PCBP3: variants seen among roughly 807,000 people sequenced by gnomAD.
PCBP3 encodes poly(rC) binding protein 3.
PCBP3 carries 25 observed loss-of-function variants against 52.7 expected under a neutral mutation model. The observed-to-expected ratio is 0.47, with a 90% confidence interval of 0.35 to 0.66. PCBP3 has a LOEUF of 0.66. Ranked by LOEUF, PCBP3 falls within the 30% of genes least tolerant of loss-of-function variation. The pLI is 0.01. For missense variants in PCBP3, 391 were observed against 490.3 expected, an observed-to-expected ratio of 0.80 and a Z score of 1.91; for synonymous variants, 162 against 183.0, an observed-to-expected ratio of 0.89 and a Z score of 0.93.
At chr21:45,790,350 C>T (rs1048450163) in intron 4 of PCBP3, among the ~76,000 whole-genome samples, 4 of 151,976 alleles carry the variant, frequency 2.6e-5, no homozygotes, top group Non-Finnish European at 5.9e-5. Context: ...GCTCTAGGCC[C>T]GATTAGCAGG....
At chr21:45,879,635 A>G (rs1468940473) in intron 5 of PCBP3, among the ~76,000 whole-genome samples, 1 of 152,206 alleles carries the variant, frequency 6.6e-6, no homozygotes, top group Non-Finnish European at 1.5e-5. Flanking sequence ...CCACAGTAGA[A>G]TTAAACTATA....
Position 45,825,992 on chromosome 21 carries a change from C to T in PCBP3, c.-125-23969C>T, listed in dbSNP as rs12106363. Among the ~76,000 whole-genome samples, 1,160 of 152,222 alleles carry T rather than the reference C, an allele frequency of 7.6e-3. 13 individuals carry two copies. The highest frequency in any genetic ancestry group is 0.026 in the African/African-American group (1,100 of 41,538). ...AGAGGAAAGAAAAAAGCAGTGAGGGCGGGGTGCAGTGGCTCACGCCTGTAA... is the reference window on the plus strand; with the variant it reads ...AGAGGAAAGAAAAAAGCAGTGAGGGTGGGGTGCAGTGGCTCACGCCTGTAA... On this transcript the variant is annotated intron_variant, in intron 4 of 17. Transcript: ENST00000681687.
chr21:45,682,715 T>C (rs950070269), intron 2 of PCBP3, among the ~76,000 whole-genome samples: 2 of 151,896 alleles, frequency 1.3e-5, no homozygotes, highest in South Asian at 2.1e-4. Flanking sequence ...TCAGTTGATA[T>C]AGAGAAAGAT....
intron 9 of PCBP3, among the ~76,000 whole-genome samples, chr21:45,905,381 A>G (rs1304823450): frequency 2.0e-5 from 3 of 152,234 alleles, no homozygotes; most frequent in African/African-American, 7.2e-5. Flanking sequence ...TTTCCAGAGC[A>G]TCCACCGCCA....
intron 5 of PCBP3, chr21:45,872,973 T>C (rs1308721109): frequency 6.6e-6 from 1 of 152,214 alleles, no homozygotes; most frequent in African/African-American, 2.4e-5. Context: ...TCTGTCTAGG[T>C]AGAAGCTGGA....
chr21:45,876,772 C>A (rs1004318341), intron 5 of PCBP3, among the ~76,000 whole-genome samples: 2 of 152,268 alleles, frequency 1.3e-5, no homozygotes, highest in African/African-American at 2.4e-5. Flanking sequence ...CCACCCACCC[C>A]GCACTGTGTT....
At chr21:45,808,513 G>A (rs1429368784) in intron 4 of PCBP3, among the ~76,000 whole-genome samples, 1 of 152,190 alleles carries the variant, frequency 6.6e-6, no homozygotes, top group Non-Finnish European at 1.5e-5. Context: ...CAGTTAGAAT[G>A]GCGATCATTA....
intron 4 of PCBP3, among the ~76,000 whole-genome samples, chr21:45,819,742 G>A (rs2093073020): frequency 6.6e-6 from 1 of 152,244 alleles, no homozygotes; most frequent in Admixed American, 6.5e-5. Context: ...CGGGGCCAGA[G>A]GGCTTGTCTG....
At chr21:45,782,801 A>G (rs1291990861) in intron 4 of PCBP3, among the ~76,000 whole-genome samples, 1 of 152,282 alleles carries the variant, frequency 6.6e-6, no homozygotes, top group Non-Finnish European at 1.5e-5. Context: ...AAAAGCAACC[A>G]GATTTTAAAA....
At chr21:45,766,126 G>A (rs541880236) in intron 4 of PCBP3, among the ~76,000 whole-genome samples, 57 of 152,256 alleles carry the variant, frequency 3.7e-4, no homozygotes, top group Non-Finnish European at 8.2e-4. Flanking sequence ...GTCCCAGGCT[G>A]AGGATGTAGG....
intron 4 of PCBP3, among the ~76,000 whole-genome samples, chr21:45,841,513 T>C (rs1258854924): frequency 6.6e-6 from 1 of 152,228 alleles, no homozygotes; most frequent in East Asian, 1.9e-4. Flanking sequence ...TTTTAAATTA[T>C]GTTCTTCTAA....
At position 45,789,218 on chromosome 21, in the gene PCBP3, A is replaced by G. The variant is rs375260305; in HGVS notation, c.-126+33766A>G. Among the ~76,000 whole-genome samples the G allele has an allele frequency of 2.0e-3, 303 of 152,360 alleles. 2 individuals carry two copies. Among genetic ancestry groups the G allele is most frequent in the African/African-American group, 6.9e-3 (286 of 41,592 alleles). On this transcript the variant is annotated intron_variant, in intron 4 of 17. Transcript: ENST00000681687. ...TGTGTGTCTGCACATGCAAATGTGC[A>G]TGCATGTTTGTGCATACATAGTGTG... is the stretch of plus-strand genomic sequence containing the variant.
chr21:45,797,635 G>T (rs1010630925), intron 4 of PCBP3, among the ~76,000 whole-genome samples: 5 of 152,230 alleles, frequency 3.3e-5, no homozygotes, highest in Non-Finnish European at 7.3e-5. Flanking sequence ...CACAGAGAGT[G>T]AATGCATGGA....
chr21:45,815,964 A>G (rs867177159), intron 4 of PCBP3, among the ~76,000 whole-genome samples: 17 of 80,004 alleles, frequency 2.1e-4, no homozygotes, highest in African/African-American at 4.2e-4. Context: ...AGTGGTGAGT[A>G]GTGAGTGATG....
chr21:45,931,618 CAG>C (rs1371167693), intron 15 of PCBP3, among the ~76,000 whole-genome samples: 7 of 141,412 alleles, frequency 5.0e-5, no homozygotes, highest in Non-Finnish European at 1.0e-4. Context: ...TCATAAGAAA[CAG>C]ACTCACCTGG....
chr21:45,718,497 C>A (rs552837832), intron 2 of PCBP3, among the ~76,000 whole-genome samples: 3 of 151,982 alleles, frequency 2.0e-5, no homozygotes, highest in East Asian at 1.9e-4. Flanking sequence ...CCTGTTCTGC[C>A]GCTTCCATGC....
chr21:45,764,236 C>CCTCAG (rs2089050821), intron 4 of PCBP3, among the ~76,000 whole-genome samples: 1 of 151,840 alleles, frequency 6.6e-6, no homozygotes, highest in Admixed American at 6.5e-5. Context: ...GATTCTCCTG[C>CCTCAG]CTCAGCCTTC....
intron 5 of PCBP3, among the ~76,000 whole-genome samples, chr21:45,855,148 C>T (rs2094224353): frequency 6.6e-6 from 1 of 152,174 alleles, no homozygotes; most frequent in South Asian, 2.1e-4. Context: ...AGTCTGGCAG[C>T]GATGCCCAAG....
chr21:45,905,664 C>T (rs911463321), intron 9 of PCBP3, among the ~76,000 whole-genome samples: 6 of 152,310 alleles, frequency 3.9e-5, no homozygotes, highest in African/African-American at 1.4e-4. Flanking sequence ...TTGCAGATGC[C>T]GTCTTCTTCC....
Sources: allele counts gnomAD v4.1 joint callset (sites outside exome capture counted in the v4.1 genomes callset), GRCh38; gene constraint gnomAD v4.1.1; transcripts MANE v1.5; gene names NCBI Gene and HGNC (gene_info 2026-07-23, HGNC 2026-07-21).